The following HHIPL1 variants were observed in gnomAD, a reference collection of about 807,000 sequenced individuals.
HHIPL1 encodes HHIP-like protein 1.
In HHIPL1, 43 loss-of-function variants were observed where a neutral mutation model predicts 61.8. That is an observed-to-expected ratio of 0.70 (90% confidence interval 0.55 to 0.90). The LOEUF (loss-of-function observed/expected upper bound fraction) is 0.90. Among genes scored for constraint, HHIPL1 ranks in the 40% least tolerant of loss-of-function variants. The probability of loss-of-function intolerance (pLI) is 0.00; values close to 1 mark genes in which losing one functional copy is unlikely to be tolerated. For synonymous variants in HHIPL1, 482 were observed against 515.8 expected, an observed-to-expected ratio of 0.93 and a Z score of 0.89; for missense variants, 1,056 against 1,157.7, an observed-to-expected ratio of 0.91 and a Z score of 1.28.
intron 1 of HHIPL1, among the ~76,000 whole-genome samples, chr14:99,646,753 A>G (rs2055840266): frequency 6.6e-6 from 1 of 151,454 alleles, no homozygotes; most frequent in Non-Finnish European, 1.5e-5. Flanking sequence ...CAGCCTGGGC[A>G]ACAGAGCAAG....
intron 1 of HHIPL1, among the ~76,000 whole-genome samples, chr14:99,647,755 G>T (rs1359341161): frequency 6.6e-6 from 1 of 152,212 alleles, no homozygotes; most frequent in Admixed American, 6.5e-5. Flanking sequence ...AGGTGGTGGA[G>T]GTGCCTTATT....
At chr14:99,616,105 G>A in the HHIPL1 span, among the ~76,000 whole-genome samples, 4 of 152,264 alleles carry the variant, frequency 2.6e-5, no homozygotes, top group African/African-American at 9.6e-5. Flanking sequence ...CACCACGGTG[G>A]GCCTGTCAGA....
chr14:99,659,704 G>T lies in HHIPL1; in HGVS notation c.1323G>T (p.Ala441=). The T allele has an allele frequency of 1.3e-6, 2 of 1,488,704 alleles. No individual in the cohort carries two copies. The highest frequency in any genetic ancestry group is 1.3e-5 in the South Asian group (1 of 74,174). The allele number at this position is 1,488,704 out of a possible 1,614,324, so 92.2% of individuals were successfully genotyped here. A position where few individuals can be genotyped will look rare whatever the true frequency, so the allele number is the denominator to read the frequency against. Residue 441 remains alanine, a synonymous_variant, in exon 4 of 9, where the codon GCG becomes GCT. Transcript: ENST00000330710. Reference sequence around the variant, plus strand: ...GCGGCGGCAACTATGGCTGGCGCGCGCGCGAAGGGTTCGAGTGCTACGACC... The same window carrying T: ...GCGGCGGCAACTATGGCTGGCGCGCTCGCGAAGGGTTCGAGTGCTACGACC... ...VERGGNYGWR[A]REGFECYDRS... is the part of the protein sequence containing the mutation.
chr14:99,658,234 A>G (rs1367273656), intron 3 of HHIPL1, among the ~76,000 whole-genome samples: 1 of 152,230 alleles, frequency 6.6e-6, no homozygotes, highest in Admixed American at 6.5e-5. Context: ...GGATTAATGG[A>G]TAATTGGACA....
chr14:99,605,839 C>A, the HHIPL1 span, among the ~76,000 whole-genome samples: 6 of 152,152 alleles, frequency 3.9e-5, no homozygotes, highest in Non-Finnish European at 8.8e-5. Context: ...AGTGCCAAGG[C>A]CCTAGGGCTG....
At chr14:99,634,825 A>G in the HHIPL1 span, among the ~76,000 whole-genome samples, 23 of 152,340 alleles carry the variant, frequency 1.5e-4, 1 homozygote, top group African/African-American at 5.1e-4. Flanking sequence ...GGCAGTCCGC[A>G]GCGGGAGTGC....
intron 8 of HHIPL1, among the ~76,000 whole-genome samples, chr14:99,674,658 C>T (rs1300388350): frequency 1.3e-5 from 2 of 152,142 alleles, no homozygotes; most frequent in African/African-American, 4.8e-5. Context: ...CAACCAAGGC[C>T]TGGAAGATGA....
At chr14:99,661,789 C>T (rs942821531) in intron 5 of HHIPL1, among the ~76,000 whole-genome samples, 1 of 152,120 alleles carries the variant, frequency 6.6e-6, no homozygotes, top group African/African-American at 2.4e-5. Context: ...TATTTCCATG[C>T]AACCTCCTCT....
intron 7 of HHIPL1, among the ~76,000 whole-genome samples, chr14:99,670,686 G>A (rs1167600892): frequency 2.0e-5 from 3 of 151,898 alleles, no homozygotes; most frequent in Non-Finnish European, 4.4e-5. Flanking sequence ...TCTATGCAGC[G>A]CCAGGATTTA....
intron 7 of HHIPL1, chr14:99,669,203 C>T (rs1424046898): frequency 9.8e-6 from 12 of 1,229,564 alleles, no homozygotes; most frequent in African/African-American, 6.0e-5. Flanking sequence ...CTGCAGAGGC[C>T]GCCCAGGTGC....
chr14:99,630,402 G>A, the HHIPL1 span, among the ~76,000 whole-genome samples: 1 of 152,234 alleles, frequency 6.6e-6, no homozygotes, highest in African/African-American at 2.4e-5. Context: ...CCTCCAAGGT[G>A]TGGTACTCAC....
chr14:99,605,987 G>A, the HHIPL1 span, among the ~76,000 whole-genome samples: 5 of 152,148 alleles, frequency 3.3e-5, no homozygotes, highest in Admixed American at 6.5e-5. Flanking sequence ...TGGGGTTTTA[G>A]CAGGGAAGCA....
chr14:99,676,189 C>G lies in HHIPL1; in HGVS notation c.*563C>G, dbSNP rs1489967994. On this transcript the variant is annotated 3_prime_UTR_variant, in exon 9 of 9. Transcript: ENST00000330710. The stretch of plus-strand genomic sequence containing the variant: ...AAGGCATCCAGTGGGGAAGGGAAAG[C>G]CTTCTGGAAGGTGGGAGCAGGGTGA... 1 of 153,454 alleles carries G rather than the reference C, an allele frequency of 6.5e-6. No homozygotes were observed. The highest frequency in any genetic ancestry group is 2.4e-5 in the African/African-American group (1 of 41,456). The allele number at this position is 153,454 out of a possible 1,614,324, so 9.5% of individuals were successfully genotyped here. A position where few individuals can be genotyped will look rare whatever the true frequency, so the allele number is the denominator to read the frequency against.
At chr14:99,638,009 G>C in the HHIPL1 span, among the ~76,000 whole-genome samples, 1 of 152,230 alleles carries the variant, frequency 6.6e-6, no homozygotes, top group Non-Finnish European at 1.5e-5. Context: ...GACACCTAAA[G>C]GGAGCGTGGT....
chr14:99,637,213 A>AAAGAAAGGAAGAAAGAAAGG, the HHIPL1 span, among the ~76,000 whole-genome samples: 5 of 94,932 alleles, frequency 5.3e-5, no homozygotes, highest in Non-Finnish European at 1.2e-4. Context: ...AGAAAGAAAG[A>AAAGAAAGGAAGAAAGAAAGG]AAGAAAGAAA....
In HHIPL1 at chr14:99,660,304, A is replaced by G. The variant is rs764611173; in HGVS notation, c.1400A>G (p.Tyr467Cys). 6.2e-7 allele frequency: 1 copy of G among 1,613,886 alleles called. No individual in the cohort carries two copies. Among genetic ancestry groups the G allele is most frequent in the South Asian group, 1.1e-5 (1 of 91,054 alleles). ...GATGACTTGCTGCCGATTTTCGCCT[A>G]CCCGCACACGGTTGGCAAGTCGGTC... ...SLNDLLPIFA[Y>C]PHTVGKSVTG... The change falls in exon 5 of 9, where the codon TAC becomes TGC. Residue 467 changes from tyrosine (Y) to cysteine (C), a missense_variant. By Grantham distance (194) the Tyr-to-Cys change is radical. Transcript: ENST00000330710. This position sits in a 1 kb window ranked among gnomAD's most constrained non-coding sequence, Gnocchi z 4.9.
chr14:99,671,066 G>C (rs1005933392), intron 7 of HHIPL1, among the ~76,000 whole-genome samples: 1 of 152,140 alleles, frequency 6.6e-6, no homozygotes, highest in African/African-American at 2.4e-5. Flanking sequence ...GGAGCCAGAA[G>C]TGGGCTAGAT....
chr14:99,659,328 G>A, intron 3 of HHIPL1, 100 bp from the exon 4 acceptor site: 1 of 941,958 alleles, frequency 1.1e-6, no homozygotes, highest in Admixed American at 4.0e-5. Context: ...CCCTGCACCT[G>A]GCTCAGCGGT....
intron 1 of HHIPL1, among the ~76,000 whole-genome samples, chr14:99,645,786 A>G (rs2055823279): frequency 6.6e-6 from 1 of 151,938 alleles, no homozygotes; most frequent in South Asian, 2.1e-4. Flanking sequence ...CCTGGAGTCG[A>G]CCCCTCAGCG....
Sources: gnomAD v4.1 joint callset for allele counts (sites outside exome capture counted in the v4.1 genomes callset) on GRCh38, gnomAD v4.1.1 for gene constraint, Gnocchi (gnomAD v3.1) non-coding constraint, MANE v1.5 for transcripts, NCBI Gene and HGNC (gene_info 2026-07-23, HGNC 2026-07-21) for gene names.